Variants in CADM2 observed in about 807,000 individuals in gnomAD.
CADM2 encodes the protein immunoglobulin superfamily member 4D.
CADM2 carries 12 observed loss-of-function variants against 49.8 expected under a neutral mutation model. The observed-to-expected ratio is 0.24, with a 90% confidence interval of 0.15 to 0.39. The LOEUF is 0.39. Among genes scored for constraint, CADM2 ranks in the 10% least tolerant of loss-of-function variants. The pLI is 1.00. For synonymous variants in CADM2, 214 were observed against 175.4 expected, an observed-to-expected ratio of 1.22 and a Z score of -1.74; for missense variants, 378 against 492.3, an observed-to-expected ratio of 0.77 and a Z score of 2.20.
At chr3:86,037,785 A>G (rs1416554050) in intron 8 of CADM2, among the ~76,000 whole-genome samples, 2 of 152,208 alleles carry the variant, frequency 1.3e-5, no homozygotes, top group African/African-American at 4.8e-5. Context: ...ATTAGAAAAT[A>G]TTAACTTAGG....
intron 1 of CADM2, among the ~76,000 whole-genome samples, chr3:85,021,236 A>G (rs921609758): frequency 3.9e-5 from 6 of 152,148 alleles, no homozygotes; most frequent in Non-Finnish European, 8.8e-5. Context: ...TTTTTAAAAA[A>G]AAGATTTGAG....
chr3:85,862,474 T>C (rs1217050410), intron 3 of CADM2, among the ~76,000 whole-genome samples: 2 of 152,158 alleles, frequency 1.3e-5, no homozygotes, highest in Non-Finnish European at 2.9e-5. Context: ...TTTCTGAGCT[T>C]GTGCCAACGT....
At chr3:85,283,707 T>C (rs2043559953) in intron 1 of CADM2, among the ~76,000 whole-genome samples, 1 of 152,086 alleles carries the variant, frequency 6.6e-6, no homozygotes, top group African/African-American at 2.4e-5. Flanking sequence ...CAAAATAGAG[T>C]ATACTTTGCT....
chr3:85,967,295 T>A (rs1253422789), intron 8 of CADM2, among the ~76,000 whole-genome samples: 1 of 151,702 alleles, frequency 6.6e-6, no homozygotes. Flanking sequence ...AATTGAGTCA[T>A]GGATGGTATC....
chr3:85,714,328 TC>T (rs2067212695), intron 1 of CADM2, among the ~76,000 whole-genome samples: 1 of 152,208 alleles, frequency 6.6e-6, no homozygotes, highest in African/African-American at 2.4e-5. Context: ...GTCCTGAGTT[TC>T]ACATCACTCT....
At chr3:85,385,689 T>TC (rs957735970) in intron 1 of CADM2, 1 of 151,948 alleles carries the variant, frequency 6.6e-6, no homozygotes, top group African/African-American at 2.4e-5. Flanking sequence ...ATTTTTTTTT[T>TC]CAACCGAAAA....
At chr3:85,035,213 T>A (rs1245771761) in intron 1 of CADM2, among the ~76,000 whole-genome samples, 1 of 152,192 alleles carries the variant, frequency 6.6e-6, no homozygotes, top group Non-Finnish European at 1.5e-5. Context: ...GCCACTTGCA[T>A]GTCTTCTTTT....
intron 1 of CADM2, among the ~76,000 whole-genome samples, chr3:85,068,424 T>C (rs990988187): frequency 6.6e-6 from 1 of 152,166 alleles, no homozygotes; most frequent in Non-Finnish European, 1.5e-5. Context: ...TCAGTCTACA[T>C]GGTTGGGAGA....
intron 1 of CADM2, among the ~76,000 whole-genome samples, chr3:85,721,755 C>T (rs2067512342): frequency 1.3e-5 from 2 of 152,212 alleles, no homozygotes; most frequent in Admixed American, 1.3e-4. Flanking sequence ...GGGGTGCTCC[C>T]AGGTCTTGGC....
At chr3:85,448,711 C>T (rs941856728) in intron 1 of CADM2, among the ~76,000 whole-genome samples, 1 of 151,924 alleles carries the variant, frequency 6.6e-6, no homozygotes, top group African/African-American at 2.4e-5. Context: ...AGGCACCAGT[C>T]GTCTCAGTAC....
At chr3:85,411,522 C>A (rs548909949) in intron 1 of CADM2, among the ~76,000 whole-genome samples, 4 of 152,224 alleles carry the variant, frequency 2.6e-5, no homozygotes, top group Non-Finnish European at 4.4e-5. Flanking sequence ...ATTACCAAAT[C>A]GTGGATTAGT....
intron 3 of CADM2, among the ~76,000 whole-genome samples, chr3:85,827,776 A>T (rs1258377452): frequency 6.6e-6 from 1 of 151,968 alleles, no homozygotes; most frequent in African/African-American, 2.4e-5. Flanking sequence ...TTTTTAACTC[A>T]TAAAAATTTT....
intron 1 of CADM2, among the ~76,000 whole-genome samples, chr3:85,117,628 T>G (rs1337152952): frequency 6.6e-6 from 1 of 152,164 alleles, no homozygotes; most frequent in Non-Finnish European, 1.5e-5. Context: ...AAACATAATA[T>G]CACTAATGAA....
intron 2 of CADM2, among the ~76,000 whole-genome samples, chr3:85,780,139 T>C (rs972603926): frequency 6.6e-6 from 1 of 152,214 alleles, no homozygotes; most frequent in South Asian, 2.1e-4. Flanking sequence ...ACTCTCATAA[T>C]AGTTTTTATT....
chr3:85,839,292 C>T (rs1473265929), intron 3 of CADM2, among the ~76,000 whole-genome samples: 5 of 151,656 alleles, frequency 3.3e-5, no homozygotes, highest in African/African-American at 1.2e-4. Context: ...AGTATAATTT[C>T]TTCTCTAGTC....
At chr3:85,307,942 G>GA (rs59683458) in intron 1 of CADM2, among the ~76,000 whole-genome samples, 6,791 of 127,084 alleles carry the variant, frequency 0.053, 354 homozygotes, top group African/African-American at 0.14. Context: ...AGAAAAATTA[G>GA]AAAAAAAAAA....
chr3:84,961,143 C>A (rs1483071550), intron 1 of CADM2, among the ~76,000 whole-genome samples: 1 of 152,058 alleles, frequency 6.6e-6, no homozygotes, highest in Admixed American at 6.6e-5. Flanking sequence ...GACTCACTGG[C>A]GTGCAAAACC....
At chr3:85,123,560 A>G (rs1215563981) in intron 1 of CADM2, among the ~76,000 whole-genome samples, 1 of 152,134 alleles carries the variant, frequency 6.6e-6, no homozygotes, top group East Asian at 1.9e-4. Context: ...GTATTTAGAC[A>G]TTTATTTAAG....
At chr3:86,003,697 G>A (rs1730446333) in intron 8 of CADM2, among the ~76,000 whole-genome samples, 3 of 152,120 alleles carry the variant, frequency 2.0e-5, no homozygotes. Flanking sequence ...AATAGTCACA[G>A]TAAAACTTCA....
Sources: gnomAD v4.1 joint callset for allele counts (sites outside exome capture counted in the v4.1 genomes callset) on GRCh38, gnomAD v4.1.1 for gene constraint, MANE v1.5 for transcripts, NCBI Gene and HGNC (gene_info 2026-07-23, HGNC 2026-07-21) for gene names.